The following CENPW variants were observed in gnomAD, a reference collection of about 807,000 sequenced individuals.
CENPW encodes the protein cancer-up-regulated gene 2 protein.
CENPW carries 3 observed loss-of-function variants against 11.1 expected under a neutral mutation model. The observed-to-expected ratio is 0.27, with a 90% confidence interval of 0.12 to 0.70. The LOEUF (loss-of-function observed/expected upper bound fraction) is 0.70, where lower values mean the gene tolerates loss of function less well. Among genes scored for constraint, CENPW ranks in the 30% least tolerant of loss-of-function variants. The pLI is 0.77. For missense variants in CENPW, 100 were observed against 105.6 expected, an observed-to-expected ratio of 0.95 and a Z score of 0.23; for synonymous variants, 38 against 42.0, an observed-to-expected ratio of 0.91 and a Z score of 0.37.
chr6:126,362,348 G>T, the CENPW span, among the ~76,000 whole-genome samples: 2 of 152,126 alleles, frequency 1.3e-5, no homozygotes, highest in African/African-American at 4.8e-5. Flanking sequence ...GGCCCATGGG[G>T]GTGTGGGGTT....
the CENPW span, among the ~76,000 whole-genome samples, chr6:126,435,096 G>T: frequency 6.6e-6 from 1 of 151,786 alleles, no homozygotes; most frequent in Non-Finnish European, 1.5e-5. Context: ...TAGAACAATT[G>T]GTTAACATTC....
chr6:126,461,678 C>T, the CENPW span, among the ~76,000 whole-genome samples: 7 of 151,836 alleles, frequency 4.6e-5, no homozygotes, highest in Admixed American at 4.6e-4. Context: ...GTCACTTTAC[C>T]ATATTATCTC....
the CENPW span, among the ~76,000 whole-genome samples, chr6:126,397,605 T>A: frequency 6.6e-6 from 1 of 152,176 alleles, no homozygotes; most frequent in South Asian, 2.1e-4. Context: ...AAATTTAGCA[T>A]TCCTGTGGGA....
At chr6:126,446,781 T>C in the CENPW span, among the ~76,000 whole-genome samples, 5 of 151,264 alleles carry the variant, frequency 3.3e-5, no homozygotes, top group Non-Finnish European at 7.4e-5. Flanking sequence ...ATTAACATTG[T>C]ACGTAGTTTT....
chr6:126,458,780 G>A, the CENPW span, among the ~76,000 whole-genome samples: 1 of 151,430 alleles, frequency 6.6e-6, no homozygotes, highest in East Asian at 1.9e-4. Flanking sequence ...ATGTAGTAAT[G>A]TAGTTTTTGA....
the CENPW span, among the ~76,000 whole-genome samples, chr6:126,473,711 C>T: frequency 7.3e-5 from 11 of 150,526 alleles, no homozygotes; most frequent in East Asian, 2.0e-4. Flanking sequence ...CCAGTCTGGA[C>T]GAGAGTGAAT....
the CENPW span, among the ~76,000 whole-genome samples, chr6:126,478,383 A>G: frequency 2.7e-5 from 4 of 148,710 alleles, no homozygotes; most frequent in African/African-American, 7.4e-5. Flanking sequence ...ATCTGTCACC[A>G]CTCCCTCCAA....
chr6:126,442,050 C>T, the CENPW span, among the ~76,000 whole-genome samples: 1 of 151,590 alleles, frequency 6.6e-6, no homozygotes, highest in Non-Finnish European at 1.5e-5. Flanking sequence ...AGTGGTTGTA[C>T]CAGTTTACAT....
At chr6:126,468,354 A>T in the CENPW span, among the ~76,000 whole-genome samples, 3 of 131,226 alleles carry the variant, frequency 2.3e-5, no homozygotes, top group Admixed American at 2.9e-4. Context: ...CAAGAGGCAG[A>T]GGTTGCAATG....
the CENPW span, among the ~76,000 whole-genome samples, chr6:126,466,164 G>A: frequency 2.6e-5 from 4 of 152,140 alleles, no homozygotes; most frequent in East Asian, 3.9e-4. Context: ...ATTAAGGTAC[G>A]TAAATAAAAA....
At chr6:126,397,939 C>T in the CENPW span, among the ~76,000 whole-genome samples, 4 of 152,212 alleles carry the variant, frequency 2.6e-5, no homozygotes, top group Admixed American at 2.6e-4. Flanking sequence ...TGTATACCTT[C>T]TGTGGAGCTG....
chr6:126,478,920 TA>T, the CENPW span, among the ~76,000 whole-genome samples: 1 of 152,054 alleles, frequency 6.6e-6, no homozygotes, highest in Non-Finnish European at 1.5e-5. Flanking sequence ...TGTCTCTTGA[TA>T]GGATTCATTT....
intron 1 of CENPW, among the ~76,000 whole-genome samples, chr6:126,345,203 A>G (rs1019431423): frequency 1.3e-5 from 2 of 151,896 alleles, no homozygotes; most frequent in Non-Finnish European, 2.9e-5. Flanking sequence ...GGTGATTTTG[A>G]GTAAAATACT....
At chr6:126,349,440 T>G (rs150414126), downstream of CENPW, among the ~76,000 whole-genome samples, 1 of 152,244 alleles carries the variant, frequency 6.6e-6, no homozygotes, top group East Asian at 1.9e-4. Flanking sequence ...AGACCTTGTT[T>G]AAAATGTGTC....
At chr6:126,400,193 A>G in the CENPW span, among the ~76,000 whole-genome samples, 2 of 152,070 alleles carry the variant, frequency 1.3e-5, no homozygotes, top group African/African-American at 4.8e-5. Context: ...GTATTATTTT[A>G]CACCCCACAG....
the CENPW span, among the ~76,000 whole-genome samples, chr6:126,481,665 C>A: frequency 1.3e-5 from 2 of 152,074 alleles, no homozygotes; most frequent in African/African-American, 2.4e-5. Context: ...ACTCTTAATG[C>A]TGTCGCAGTA....
the CENPW span, among the ~76,000 whole-genome samples, chr6:126,360,834 T>C: frequency 2.0e-5 from 3 of 152,222 alleles, no homozygotes; most frequent in Admixed American, 6.5e-5. Flanking sequence ...TTTTACTGGA[T>C]TCCTTGGATT....
At chr6:126,477,745 T>C in the CENPW span, among the ~76,000 whole-genome samples, 1 of 152,060 alleles carries the variant, frequency 6.6e-6, no homozygotes, top group East Asian at 1.9e-4. Flanking sequence ...GATAACTTTT[T>C]AAAATTCCCC....
At chr6:126,443,129 A>G in the CENPW span, among the ~76,000 whole-genome samples, 2 of 151,268 alleles carry the variant, frequency 1.3e-5, no homozygotes, top group Non-Finnish European at 3.0e-5. Flanking sequence ...TATATATCCA[A>G]AAAGTATTAA....
Sources: gnomAD v4.1 joint callset for allele counts (sites outside exome capture counted in the v4.1 genomes callset) on GRCh38, gnomAD v4.1.1 for gene constraint, MANE v1.5 for transcripts, NCBI Gene and HGNC (gene_info 2026-07-23, HGNC 2026-07-21) for gene names.